LARP1: variants seen among roughly 807,000 people sequenced by gnomAD.
LARP1 encodes the protein la-related protein 1.
Under a neutral mutation model 122.7 loss-of-function variants are expected in LARP1, and 36 were observed. The observed-to-expected ratio is 0.29, with a 90% CI of 0.22 to 0.39. The LOEUF is 0.39. LARP1 is among the 10% of genes least tolerant of loss of function. The pLI is 1.00. For missense variants in LARP1, 1,040 were observed against 1,403.6 expected (o/e 0.74, Z 4.14); for synonymous variants, 539 against 528.7 (o/e 1.02, Z -0.27).
At chr5:154,737,044 T>C (rs1208054574) in intron 1 of LARP1, among the ~76,000 whole-genome samples, 5 of 151,998 alleles carry the variant, frequency 3.3e-5, no homozygotes, top group African/African-American at 1.2e-4. Flanking sequence ...AAATGTGTTG[T>C]TTTTTTGGTT....
intron 1 of LARP1, among the ~76,000 whole-genome samples, chr5:154,727,829 A>G (rs553121392): frequency 6.6e-6 from 1 of 152,318 alleles, no homozygotes; most frequent in East Asian, 1.9e-4. Flanking sequence ...GCACTTTAGG[A>G]GGCCAAGGTG....
chr5:154,694,842 GT>G (rs779443123), intron 1 of LARP1, among the ~76,000 whole-genome samples: 2 of 150,394 alleles, frequency 1.3e-5, no homozygotes, highest in African/African-American at 2.4e-5. Context: ...TTGGTTTATT[GT>G]TTTTTTTTAT....
Position 154,686,318 on chromosome 5 carries a change from T to A in LARP1, c.-180+3281T>A, listed in dbSNP as rs560207497. On this transcript the variant is annotated intron_variant, in intron 1 of 18. Transcript: ENST00000687700. ...CGGGGATGCTCCGGAAGAGGTGGTG[T>A]TTTGGCTGGGTCTGACGGAACAGAT... Among the ~76,000 whole-genome samples the A allele has an allele frequency of 2.6e-5, 4 of 152,160 alleles. No homozygotes were observed. The East Asian group carries it at 7.7e-4, about 29-fold the overall frequency.
Position 154,738,954 on chromosome 5 carries a change from A to G in LARP1, c.205+25824A>G, listed in dbSNP as rs1757066380. Among the ~76,000 whole-genome samples, 5 of 152,298 alleles carry G rather than the reference A, an allele frequency of 3.3e-5. No homozygotes were observed. In the South Asian group the frequency reaches 1.0e-3, roughly 32 times the overall value. On this transcript the variant is annotated intron_variant, in intron 1 of 18. Transcript: ENST00000336314. ...AGAAACATAAAACAAAACAAAAATA[A>G]ATAAAAAATTTAAAATAAAAAATTG... is the stretch of plus-strand genomic sequence containing the variant.
chr5:154,777,913 CAT>C (rs1423711450), intron 1 of LARP1, among the ~76,000 whole-genome samples: 1 of 152,118 alleles, frequency 6.6e-6, no homozygotes, highest in Non-Finnish European at 1.5e-5. Flanking sequence ...GACCAACTGT[CAT>C]ATTTGTGGAT....
intron 1 of LARP1, among the ~76,000 whole-genome samples, chr5:154,693,543 C>G (rs994163126): frequency 6.6e-6 from 1 of 152,040 alleles, no homozygotes; most frequent in African/African-American, 2.4e-5. Flanking sequence ...TTTAAAAGGA[C>G]TTGAATTGCC....
At position 154,816,210 on chromosome 5, in the gene LARP1, A is replaced by G. The variant is rs1232434420; in HGVS notation, c.*2114A>G. 6.5e-6 allele frequency: 1 copy of G among 153,354 alleles called. No individual in the cohort carries two copies. Among genetic ancestry groups the G allele is most frequent in the Non-Finnish European group, 1.5e-5 (1 of 68,646 alleles). 9.5% of individuals were successfully genotyped at this position (153,354 alleles called of 1,614,324 possible). On this transcript the variant is annotated 3_prime_UTR_variant, in exon 19 of 19. Transcript: ENST00000518297. ...TGGTATCCGAGGCCTTTCCCTGCCC[A>G]GTCTGGTGCCTGCCCCACATTGTAC...
At chr5:154,773,368 A>C (rs1284397371) in intron 1 of LARP1, among the ~76,000 whole-genome samples, 1 of 152,152 alleles carries the variant, frequency 6.6e-6, no homozygotes, top group South Asian at 2.1e-4. Flanking sequence ...GGAAGGTAAC[A>C]GTTTGCTGTT....
intron 3 of LARP1, among the ~76,000 whole-genome samples, chr5:154,791,781 A>G (rs571398286): frequency 1.6e-4 from 25 of 152,118 alleles, no homozygotes; most frequent in Non-Finnish European, 2.4e-4. Context: ...TCCTGCTAAT[A>G]CTGTATTTTT....
intron 2 of LARP1, 82 bp from the exon 3 acceptor site, chr5:154,790,563 T>G: frequency 6.7e-7 from 1 of 1,494,384 alleles, no homozygotes; most frequent in Non-Finnish European, 9.3e-7. Context: ...TGGCCTCTGA[T>G]CTCTTGGTGA....
chr5:154,720,848 C>A (rs1755821071), intron 1 of LARP1, among the ~76,000 whole-genome samples: 1 of 152,128 alleles, frequency 6.6e-6, no homozygotes, highest in Non-Finnish European at 1.5e-5. Context: ...GGTTTGCAAA[C>A]TGCGGGCTAC....
intron 1 of LARP1, among the ~76,000 whole-genome samples, chr5:154,765,669 C>G (rs1487507974): frequency 6.6e-6 from 1 of 152,236 alleles, no homozygotes; most frequent in Non-Finnish European, 1.5e-5. Context: ...GCCAGGATTA[C>G]AAGCATGAGC....
intron 1 of LARP1, among the ~76,000 whole-genome samples, chr5:154,725,186 TCAAGA>T (rs1756127982): frequency 1.3e-5 from 2 of 151,026 alleles, no homozygotes; most frequent in Admixed American, 1.3e-4. Flanking sequence ...GGTCAGGAGT[TCAAGA>T]CAAGCCTAGC....
chr5:154,763,321 C>G (rs1228300792), intron 1 of LARP1, among the ~76,000 whole-genome samples: 2 of 152,034 alleles, frequency 1.3e-5, no homozygotes, highest in East Asian at 3.9e-4. Context: ...TTCGGCCTCC[C>G]AAAGTGCTGG....
intron 1 of LARP1, among the ~76,000 whole-genome samples, chr5:154,738,556 C>T (rs548890549): frequency 6.6e-6 from 1 of 152,170 alleles, no homozygotes; most frequent in African/African-American, 2.4e-5. Context: ...CGGGCCACCG[C>T]ACTCCAGACT....
intron 1 of LARP1, among the ~76,000 whole-genome samples, chr5:154,789,351 C>T (rs1315008339): frequency 6.6e-6 from 1 of 150,676 alleles, no homozygotes; most frequent in Non-Finnish European, 1.5e-5. Flanking sequence ...TCCCAAGTAG[C>T]TGGGATTACG....
chr5:154,788,532 T>C (rs1304352920), intron 1 of LARP1, among the ~76,000 whole-genome samples: 1 of 152,142 alleles, frequency 6.6e-6, no homozygotes, highest in Non-Finnish European at 1.5e-5. Context: ...TCTCTGCTGC[T>C]CGGGGTTTGG....
chr5:154,718,956 G>A (rs1481633066), intron 1 of LARP1, among the ~76,000 whole-genome samples: 1 of 152,204 alleles, frequency 6.6e-6, no homozygotes. Flanking sequence ...CCAAAGTCAT[G>A]TGGCAAGGCA....
intron 16 of LARP1, among the ~76,000 whole-genome samples, chr5:154,809,242 A>G (rs529509043): frequency 7.7e-4 from 116 of 151,524 alleles, no homozygotes; most frequent in African/African-American, 2.7e-3. Context: ...AGGCAGAAGG[A>G]TCACTTGAGC....
Sources: gnomAD v4.1 joint callset for allele counts (sites outside exome capture counted in the v4.1 genomes callset) on GRCh38, gnomAD v4.1.1 for gene constraint, MANE v1.5 for transcripts, NCBI Gene and HGNC (gene_info 2026-07-23, HGNC 2026-07-21) for gene names.